MSH4: variants seen among roughly 807,000 people sequenced by gnomAD.
MSH4 encodes the protein mutS protein homolog 4.
In MSH4, 106 loss-of-function variants were observed where a neutral mutation model predicts 113.7. The ratio of observed to expected loss-of-function variants is 0.93; its 90% CI spans 0.80 to 1.10. The LOEUF is 1.10. Among genes scored for constraint, MSH4 ranks in the 50% least tolerant of loss-of-function variants. The probability of loss-of-function intolerance (pLI) is 0.00; values close to 1 mark genes in which losing one functional copy is unlikely to be tolerated. For synonymous variants in MSH4, 368 were observed against 380.2 expected (o/e 0.97, Z 0.37); for missense variants, 1,061 against 1,093.7 (o/e 0.97, Z 0.42).
rs1226070838 is a variant in MSH4, at chr1:75,890,799, T to C, written c.2330T>C (p.Val777Ala). The C allele has an allele frequency of 1.9e-6, 3 of 1,601,876 alleles. No individual in the cohort carries two copies. The African/African-American group carries it at 4.0e-5, about 21-fold the overall frequency. The part of the protein sequence containing the change: ...TEEGIGICYA[V>A]CEYLLSLKAF... ...GAAGGTATTGGCATTTGTTATGCTG[T>C]TTGTGAATATCTACTGAGCTTAAAG... The change falls in exon 17 of 20, where the codon GTT becomes GCT. Residue 777 changes from valine (V) to alanine (A), a missense_variant. Physicochemically the swap from Val to Ala is moderately conservative, Grantham distance 64. Transcript: ENST00000263187.
chr1:75,861,424 T>G (rs1179753010), intron 8 of MSH4, among the ~76,000 whole-genome samples: 3 of 152,206 alleles, frequency 2.0e-5, no homozygotes, highest in Non-Finnish European at 4.4e-5. Flanking sequence ...TCCTTTGATG[T>G]TGGTAACCTA....
chr1:75,865,602 AACAC>A (rs1651545890), intron 8 of MSH4, among the ~76,000 whole-genome samples: 1 of 152,176 alleles, frequency 6.6e-6, no homozygotes, highest in African/African-American at 2.4e-5. Flanking sequence ...CAGGAAGTAA[AACAC>A]AGATGTTGAA....
intron 15 of MSH4, among the ~76,000 whole-genome samples, chr1:75,884,135 A>G (rs139781734): frequency 1.4e-3 from 218 of 152,272 alleles, no homozygotes; most frequent in African/African-American, 5.1e-3. Flanking sequence ...TTCTGGTTCA[A>G]AAACAAAGTT....
At chr1:75,838,840 T>C (rs1256541677) in intron 7 of MSH4, among the ~76,000 whole-genome samples, 1 of 152,198 alleles carries the variant, frequency 6.6e-6, no homozygotes, top group Non-Finnish European at 1.5e-5. Flanking sequence ...CATTCCAGTT[T>C]AGATGTGACT....
intron 15 of MSH4, among the ~76,000 whole-genome samples, chr1:75,885,318 GGT>G (rs58647865): frequency 0.28 from 29,630 of 105,084 alleles, 3,994 homozygotes; most frequent in Middle Eastern, 0.38. Context: ...TCACACTGGG[GGT>G]GTGTGTGTGT....
At chr1:75,852,231 A>G (rs533784210) in intron 8 of MSH4, among the ~76,000 whole-genome samples, 7 of 152,198 alleles carry the variant, frequency 4.6e-5, no homozygotes, top group Admixed American at 1.3e-4. Flanking sequence ...CTTTGTATTG[A>G]CAAATAATAT....
rs780785237 is a variant in MSH4 at position 75,889,237 on chromosome 1, C to T, written c.2108-14C>T. 23 of 1,165,250 alleles carry T rather than the reference C, an allele frequency of 2.0e-5. No homozygotes were observed. The highest frequency in any genetic ancestry group is 2.6e-5 in the Non-Finnish European group (21 of 793,424). The allele number at this position is 1,165,250 out of a possible 1,614,324, so 72.2% of individuals were successfully genotyped here. On this transcript the variant is annotated splice_polypyrimidine_tract_variant and intron_variant, in intron 15 of 19. Transcript: ENST00000263187. ...TAAACACATTTCAGTTTATCTTGACCTTATATTTTACAGGATCATATGTTC... is the reference window on the plus strand; with the variant it reads ...TAAACACATTTCAGTTTATCTTGACTTTATATTTTACAGGATCATATGTTC...
intron 3 of MSH4, among the ~76,000 whole-genome samples, chr1:75,809,629 C>CTT (rs35082709): frequency 7.3e-5 from 7 of 96,012 alleles, no homozygotes; most frequent in East Asian, 2.9e-4. Context: ...CATAGTTACC[C>CTT]TTTTTTTTTT....
intron 3 of MSH4, among the ~76,000 whole-genome samples, chr1:75,809,673 C>T (rs1235781542): frequency 1.4e-5 from 2 of 146,894 alleles, no homozygotes; most frequent in East Asian, 4.1e-4. Context: ...CACTTTGTTG[C>T]CCAGGTTGCC....
chr1:75,878,072 A>G (rs1651852879), intron 10 of MSH4, 77 bp from the exon 11 acceptor site: 1 of 1,120,816 alleles, frequency 8.9e-7, no homozygotes, highest in Non-Finnish European at 1.3e-6. Flanking sequence ...GCTATCATCA[A>G]TTGTGATTCA....
At chr1:75,820,123 A>G (rs928004645) in intron 6 of MSH4, among the ~76,000 whole-genome samples, 4 of 152,202 alleles carry the variant, frequency 2.6e-5, no homozygotes, top group Non-Finnish European at 5.9e-5. Flanking sequence ...TATTTTAACA[A>G]TATAAAAGCC....
At chr1:75,799,549 A>G (rs1412281992) in intron 1 of MSH4, among the ~76,000 whole-genome samples, 2 of 152,252 alleles carry the variant, frequency 1.3e-5, no homozygotes. Flanking sequence ...CTGGTCTTCA[A>G]GAATAAGTAG....
rs1232231898 is a variant in MSH4 at position 75,890,725 on chromosome 1, C to T, written c.2256C>T (p.Asp752=). ...CATATATTCTACATAATGCTAATGA[C>T]AAATCGCTCATATTAATTGATGAAC... ...EIAYILHNAN[D]KSLILIDELG... Residue 752 remains aspartate, a synonymous_variant, in exon 17 of 20, where the codon GAC becomes GAT. Coordinates refer to ENST00000263187, the MANE Select transcript of MSH4 (RefSeq NM_002440.4). 2 of 1,600,150 alleles carry T rather than the reference C, an allele frequency of 1.2e-6. No individual in the cohort carries two copies.
chr1:75,883,624 G>T lies in MSH4; in HGVS notation c.1910G>T (p.Arg637Leu). ...CCATTCTATTTTTTTTCTTAAGTTC[G>T]ACCAGAATTTACTGATACTTTAGCA... The part of the protein sequence containing the change: ...AHACTLSDYV[R>L]PEFTDTLAIK... Residue 637 changes from arginine (R) to leucine (L), a missense_variant, in exon 15 of 20, where the codon CGA (arginine) becomes CTA (leucine). By Grantham distance (102) the Arg-to-Leu change is moderately radical (BLOSUM62 -2). Coordinates refer to ENST00000263187, the MANE Select transcript of MSH4 (RefSeq NM_002440.4). 7 of 1,601,698 alleles carry T rather than the reference G, an allele frequency of 4.4e-6. No individual in the cohort carries two copies. In the South Asian group the frequency reaches 7.9e-5, roughly 18 times the overall value.
intron 19 of MSH4, among the ~76,000 whole-genome samples, chr1:75,907,717 T>TATATATATATATATAC: frequency 8.1e-6 from 1 of 122,844 alleles, no homozygotes. Context: ...TATATATATA[T>TATATATATATATATAC]ATGTATAAAA....
At chr1:75,886,734 TA>T (rs1429261935) in intron 15 of MSH4, among the ~76,000 whole-genome samples, 2 of 138,676 alleles carry the variant, frequency 1.4e-5, no homozygotes. Flanking sequence ...ACATTATATA[TA>T]AATATATTAT....
intron 8 of MSH4, among the ~76,000 whole-genome samples, chr1:75,852,879 C>G (rs1320635041): frequency 1.3e-5 from 2 of 152,100 alleles, no homozygotes; most frequent in African/African-American, 4.8e-5. Context: ...ATACTTAACT[C>G]TCTTTTCTTC....
In MSH4 at chr1:75,807,118, G is replaced by A; in HGVS notation, c.565G>A (p.Ala189Thr). The A allele has an allele frequency of 6.4e-7, 1 of 1,570,416 alleles. No homozygotes were observed. The highest frequency in any genetic ancestry group is 2.3e-5 in the East Asian group (1 of 42,900). Residue 189 changes from alanine to threonine, a missense_variant, in exon 3 of 20, where the codon GCA (alanine) becomes ACA (threonine). Ala to Thr is a moderately conservative substitution (Grantham distance 58). Coordinates refer to ENST00000263187, the MANE Select transcript of MSH4 (RefSeq NM_002440.4). Reference protein sequence around the residue: ...KNPQIILSQFADNTTYAKVIT... With the variant: ...KNPQIILSQFTDNTTYAKVIT... ...CCCCCAAATTATACTATCCCAGTTT[G>A]CAGACAACACAACATATGCAAAGGT...
chr1:75,886,467 TTA>T (rs1370153678), intron 15 of MSH4, among the ~76,000 whole-genome samples: 6 of 123,750 alleles, frequency 4.8e-5, no homozygotes, highest in African/African-American at 1.6e-4. Flanking sequence ...GTATTATATA[TTA>T]TATATAATAT....
Sources: allele counts gnomAD v4.1 joint callset (sites outside exome capture counted in the v4.1 genomes callset), GRCh38; gene constraint gnomAD v4.1.1; transcripts MANE v1.5; gene names NCBI Gene and HGNC (gene_info 2026-07-23, HGNC 2026-07-21).